Variants in TENM3 observed in about 807,000 individuals in gnomAD.
The protein encoded by TENM3 is teneurin transmembrane protein 3, also known as teneurin-3.
Under a neutral mutation model 255.1 loss-of-function variants are expected in TENM3, and 63 were observed. The observed-to-expected ratio is 0.25, with a 90% CI of 0.20 to 0.30. TENM3 has a LOEUF of 0.30. Among genes scored for constraint, TENM3 ranks in the 10% least tolerant of loss-of-function variants. The pLI is 1.00. For synonymous variants in TENM3, 1,306 were observed against 1,322.3 expected (o/e 0.99, Z 0.27); for missense variants, 2,929 against 3,461.1 (o/e 0.85, Z 3.86).
intron 23 of TENM3, chr4:182,773,892 A>G (rs1298449278): frequency 8.9e-6 from 3 of 335,446 alleles, no homozygotes; most frequent in African/African-American, 6.3e-5. Flanking sequence ...TATTAAAACA[A>G]CTTCATTCCA....
chr4:181,465,795 G>A, the TENM3 span, among the ~76,000 whole-genome samples: 8 of 152,180 alleles, frequency 5.3e-5, no homozygotes, highest in Non-Finnish European at 8.8e-5. Flanking sequence ...AGCACCAGAC[G>A]GAGGAAAGTT....
At chr4:182,449,209 TGG>T (rs1561458469) in intron 3 of TENM3, 1,279 of 52,174 alleles carry the variant, frequency 0.025, 25 homozygotes, top group African/African-American at 0.073. Flanking sequence ...GTGGCGGTGG[TGG>T]CGGCGGCGGC....
At chr4:181,505,228 G>A in the TENM3 span, among the ~76,000 whole-genome samples, 1 of 152,164 alleles carries the variant, frequency 6.6e-6, no homozygotes, top group Non-Finnish European at 1.5e-5. Context: ...ATTGGAAATG[G>A]CACTGTTTGC....
At chr4:181,700,591 T>G in the TENM3 span, among the ~76,000 whole-genome samples, 2 of 152,228 alleles carry the variant, frequency 1.3e-5, no homozygotes, top group Non-Finnish European at 1.5e-5. Context: ...GATGAAATAT[T>G]TAATCTCCTC....
At chr4:182,558,761 G>A (rs1262459620) in intron 3 of TENM3, among the ~76,000 whole-genome samples, 1 of 152,078 alleles carries the variant, frequency 6.6e-6, no homozygotes, top group Non-Finnish European at 1.5e-5. Flanking sequence ...CAGATCCCTT[G>A]TCCTGATTTG....
chr4:182,183,557 A>G (rs1752964303), intron 1 of TENM3, among the ~76,000 whole-genome samples: 1 of 152,202 alleles, frequency 6.6e-6, no homozygotes, highest in Non-Finnish European at 1.5e-5. Context: ...GAATTGGGGA[A>G]GGATAATTTC....
chr4:181,742,707 G>A, the TENM3 span, among the ~76,000 whole-genome samples: 1 of 150,882 alleles, frequency 6.6e-6, no homozygotes, highest in African/African-American at 2.5e-5. Context: ...TTAAGTTTTA[G>A]GGTACATGTG....
At position 182,370,087 on chromosome 4, in the gene TENM3, T is replaced by A. The variant is rs532327259; in HGVS notation, c.511+23158T>A. On this transcript the variant is annotated intron_variant, in intron 3 of 27. Transcript: ENST00000511685. ...TTAATGTGCATTGTTTTATCTTTGA[T>A]TAAGACTACAAAGCTAATTTTGCAA... Among the ~76,000 whole-genome samples the A allele has an allele frequency of 2.6e-5, 4 of 152,332 alleles. No homozygotes were observed. The South Asian group carries it at 8.3e-4, about 32-fold the overall frequency.
At position 182,764,122 on chromosome 4, in the gene TENM3, C is replaced by T. The variant is rs564132213; in HGVS notation, c.4892+8863C>T. Among the ~76,000 whole-genome samples the T allele has an allele frequency of 3.5e-4, 53 of 152,342 alleles. No homozygotes were observed. The South Asian group carries it at 5.8e-3, about 17-fold the overall frequency. On this transcript the variant is annotated intron_variant, in intron 22 of 27. Coordinates refer to ENST00000511685, the MANE Select transcript of TENM3 (RefSeq NM_001080477.4). The stretch of plus-strand genomic sequence containing the variant: ...ATGCCACCTAAAAGAAAATGAAAGT[C>T]TTTTCCATGCTACATTGCAAAGGCA...
At chr4:181,522,643 C>A in the TENM3 span, 1 of 581,368 alleles carries the variant, frequency 1.7e-6, no homozygotes, top group South Asian at 1.6e-5. Context: ...TATGTTGTAG[C>A]CATAGTTTTC....
intron 3 of TENM3, among the ~76,000 whole-genome samples, chr4:182,474,683 C>A (rs1733493869): frequency 6.6e-6 from 1 of 152,096 alleles, no homozygotes; most frequent in Non-Finnish European, 1.5e-5. Flanking sequence ...ATATTTCTTA[C>A]TGTTTTGCTT....
chr4:181,856,659 T>A, the TENM3 span, among the ~76,000 whole-genome samples: 1 of 152,174 alleles, frequency 6.6e-6, no homozygotes, highest in Non-Finnish European at 1.5e-5. Flanking sequence ...TGGGATGACT[T>A]CTTGGTGTGG....
chr4:182,303,986 T>C (rs1761990340), intron 1 of TENM3, among the ~76,000 whole-genome samples: 1 of 152,140 alleles, frequency 6.6e-6, no homozygotes, highest in South Asian at 2.1e-4. Context: ...AATTTTACCA[T>C]AATAAAAGTC....
At chr4:182,310,121 C>T (rs1762357269) in intron 1 of TENM3, among the ~76,000 whole-genome samples, 4 of 152,192 alleles carry the variant, frequency 2.6e-5, no homozygotes, top group Admixed American at 2.0e-4. Flanking sequence ...AACCTGTTCT[C>T]TGTCTCCTTC....
intron 3 of TENM3, among the ~76,000 whole-genome samples, chr4:182,488,732 G>C (rs955131991): frequency 6.6e-6 from 1 of 151,978 alleles, no homozygotes; most frequent in Admixed American, 6.6e-5. Flanking sequence ...TCAAGAGGAA[G>C]GTTTTCATTT....
At chr4:182,029,905 G>T in the TENM3 span, among the ~76,000 whole-genome samples, 1 of 142,634 alleles carries the variant, frequency 7.0e-6, no homozygotes, top group Non-Finnish European at 1.5e-5. Flanking sequence ...TCTTTATATT[G>T]AATAAATATT....
At chr4:181,580,950 A>C in the TENM3 span, among the ~76,000 whole-genome samples, 322 of 152,334 alleles carry the variant, frequency 2.1e-3, 1 homozygote, top group African/African-American at 7.2e-3. Context: ...ACAACACAGA[A>C]AACTATCCAA....
the TENM3 span, among the ~76,000 whole-genome samples, chr4:181,525,497 GCTAA>G: frequency 5.9e-5 from 9 of 151,950 alleles, no homozygotes; most frequent in Admixed American, 2.0e-4. Flanking sequence ...CTGAGGAGCT[GCTAA>G]CTGAGTAGAG....
the TENM3 span, among the ~76,000 whole-genome samples, chr4:181,696,669 G>T: frequency 6.6e-6 from 1 of 152,160 alleles, no homozygotes; most frequent in Non-Finnish European, 1.5e-5. Flanking sequence ...ACAGGGCCTG[G>T]CCCATAAGAC....
Sources: gnomAD v4.1 joint callset for allele counts (sites outside exome capture counted in the v4.1 genomes callset) on GRCh38, gnomAD v4.1.1 for gene constraint, MANE v1.5 for transcripts, NCBI Gene and HGNC (gene_info 2026-07-23, HGNC 2026-07-21) for gene names.